Variants in XKR6 observed in about 807,000 individuals in gnomAD.
The protein encoded by XKR6 is XK related 6.
Under a neutral mutation model 56.7 loss-of-function variants are expected in XKR6, and 22 were observed. The observed-to-expected ratio is 0.39, with a 90% confidence interval of 0.28 to 0.55. The LOEUF (loss-of-function observed/expected upper bound fraction) is 0.55, where lower values mean the gene tolerates loss of function less well. Among genes scored for constraint, XKR6 ranks in the 20% least tolerant of loss-of-function variants. The pLI is 0.66. For synonymous variants in XKR6, 524 were observed against 387.8 expected (o/e 1.35, Z -4.13); for missense variants, 852 against 889.0 (o/e 0.96, Z 0.53).
intron 1 of XKR6, among the ~76,000 whole-genome samples, chr8:10,948,975 C>G (rs1248644603): frequency 6.6e-6 from 1 of 152,234 alleles, no homozygotes; most frequent in Non-Finnish European, 1.5e-5. Flanking sequence ...GGCGGTGCAG[C>G]CTCTCGGGAG....
intron 1 of XKR6, among the ~76,000 whole-genome samples, chr8:11,118,105 C>T (rs1799267550): frequency 6.6e-6 from 1 of 152,272 alleles, no homozygotes; most frequent in East Asian, 1.9e-4. Flanking sequence ...GGACCAGATT[C>T]TTATTTCTTC....
chr8:10,969,935 C>A (rs1417917711), intron 1 of XKR6, among the ~76,000 whole-genome samples: 1 of 152,238 alleles, frequency 6.6e-6, no homozygotes, highest in Non-Finnish European at 1.5e-5. Context: ...CTCCTCTAAG[C>A]TCCCATGTGG....
chr8:11,013,888 C>T (rs1201629731), intron 1 of XKR6, among the ~76,000 whole-genome samples: 1 of 152,212 alleles, frequency 6.6e-6, no homozygotes, highest in Non-Finnish European at 1.5e-5. Context: ...CCACCTGTAC[C>T]GGAGCCCCTC....
chr8:10,994,253 A>C (rs1253335384), intron 1 of XKR6, among the ~76,000 whole-genome samples: 1 of 152,232 alleles, frequency 6.6e-6, no homozygotes, highest in Non-Finnish European at 1.5e-5. Flanking sequence ...GTGCACCTTC[A>C]GACCCTCTCA....
intron 1 of XKR6, among the ~76,000 whole-genome samples, chr8:11,034,176 C>G (rs1012902209): frequency 2.0e-5 from 3 of 152,124 alleles, no homozygotes; most frequent in Non-Finnish European, 4.4e-5. Flanking sequence ...TGGTGAGTGC[C>G]AGACAAGGGG....
At chr8:11,137,799 G>A (rs1800482382) in intron 1 of XKR6, 1 of 422,238 alleles carries the variant, frequency 2.4e-6, no homozygotes, top group Non-Finnish European at 4.7e-6. Context: ...TAAACCTCAG[G>A]CTTTCTGAAC....
intron 2 of XKR6, among the ~76,000 whole-genome samples, chr8:10,919,835 C>T (rs914939084): frequency 1.3e-5 from 2 of 150,544 alleles, no homozygotes; most frequent in Middle Eastern, 3.4e-3. Flanking sequence ...TATGTGCTCC[C>T]GTCATTTATT....
chr8:10,977,788 T>G (rs1256710077), intron 1 of XKR6, among the ~76,000 whole-genome samples: 1 of 151,474 alleles, frequency 6.6e-6, no homozygotes, highest in Non-Finnish European at 1.5e-5. Flanking sequence ...ACAGGAGTAA[T>G]AGCACATACC....
rs923188826 is a variant in XKR6, at chr8:11,186,062, G to T, written c.764+14514C>A. Among the ~76,000 whole-genome samples, 30 of 152,098 alleles carry T rather than the reference G, an allele frequency of 2.0e-4. 1 individual carries two copies. The highest frequency in any genetic ancestry group is 1.5e-5 in the Non-Finnish European group (1 of 68,018). On this transcript the variant is annotated intron_variant, in intron 1 of 2. Transcript: ENST00000416569. ...ACACATCTTAAAATACTTCTTTACAGAAAAAGCTTGCCAAGTCCCGAATCA... is the reference window on the plus strand; with the variant it reads ...ACACATCTTAAAATACTTCTTTACATAAAAAGCTTGCCAAGTCCCGAATCA...
At chr8:11,160,887 G>C (rs1332932936) in intron 1 of XKR6, among the ~76,000 whole-genome samples, 3 of 139,048 alleles carry the variant, frequency 2.2e-5, no homozygotes, top group African/African-American at 8.6e-5. Flanking sequence ...ACTCCAGCCT[G>C]GGCAACAGAA....
chr8:11,052,062 C>G (rs549247668), intron 1 of XKR6, among the ~76,000 whole-genome samples: 2 of 152,332 alleles, frequency 1.3e-5, no homozygotes, highest in Non-Finnish European at 2.9e-5. Flanking sequence ...ATCCAATGTT[C>G]TTTCCACCGC....
chr8:11,006,431 A>T (rs1798370720), intron 1 of XKR6, among the ~76,000 whole-genome samples: 1 of 152,164 alleles, frequency 6.6e-6, no homozygotes, highest in Non-Finnish European at 1.5e-5. Context: ...CATGTCTGAG[A>T]CATGCCAGTC....
At chr8:10,904,864 C>T (rs1009656243) in intron 2 of XKR6, among the ~76,000 whole-genome samples, 3 of 152,220 alleles carry the variant, frequency 2.0e-5, no homozygotes, top group Admixed American at 2.0e-4. Context: ...ATGTGTTTTG[C>T]AGAATGGGAG....
chr8:11,095,525 A>T (rs1272320252), intron 1 of XKR6, among the ~76,000 whole-genome samples: 1 of 152,198 alleles, frequency 6.6e-6, no homozygotes, highest in Non-Finnish European at 1.5e-5. Context: ...CCCCCAGCAC[A>T]CACTGTTCTG....
At chr8:11,113,952 C>G (rs1472680543) in intron 1 of XKR6, 12 of 322,368 alleles carry the variant, frequency 3.7e-5, no homozygotes, top group Non-Finnish European at 7.2e-5. Context: ...CACATGAAGG[C>G]CTCCCTCTCG....
At chr8:11,035,159 C>A in intron 1 of XKR6, 2 of 532,846 alleles carry the variant, frequency 3.8e-6, no homozygotes, top group Non-Finnish European at 3.9e-6. Context: ...TGACAAACAG[C>A]CAGTCTCGTG....
At chr8:11,103,352 C>A (rs1798556996) in intron 1 of XKR6, among the ~76,000 whole-genome samples, 1 of 152,126 alleles carries the variant, frequency 6.6e-6, no homozygotes, top group South Asian at 2.1e-4. Context: ...TTCAGGAGTT[C>A]AATCAAGCCA....
intron 1 of XKR6, among the ~76,000 whole-genome samples, chr8:10,971,165 T>C (rs1802397733): frequency 6.6e-6 from 1 of 151,820 alleles, no homozygotes; most frequent in African/African-American, 2.4e-5. Flanking sequence ...CTCACGCCTG[T>C]AATCCCAGCA....
At position 10,902,400 on chromosome 8, in the gene XKR6, G is replaced by A. The variant is rs535856535; in HGVS notation, c.962-3484C>T. 2.6e-5 allele frequency among the ~76,000 whole-genome samples: 4 copies of A among 152,324 alleles called. No individual in the cohort carries two copies. The East Asian group carries it at 7.7e-4, about 29-fold the overall frequency. On this transcript the variant is annotated intron_variant, in intron 2 of 2. Coordinates refer to ENST00000416569, the MANE Select transcript of XKR6 (RefSeq NM_173683.4). ...CCATTCCACAGGAAGCAGAGGTGCAGGGGCTTGGGTGGCTTGCTCAAGACT... is the reference window on the plus strand; with the variant it reads ...CCATTCCACAGGAAGCAGAGGTGCAAGGGCTTGGGTGGCTTGCTCAAGACT...
Sources: gnomAD v4.1 joint callset for allele counts (sites outside exome capture counted in the v4.1 genomes callset) on GRCh38, gnomAD v4.1.1 for gene constraint, MANE v1.5 for transcripts, NCBI Gene and HGNC (gene_info 2026-07-23, HGNC 2026-07-21) for gene names.